RALGAPA2: variants seen among roughly 807,000 people sequenced by gnomAD.
The protein encoded by RALGAPA2 is ral GTPase-activating protein subunit alpha-2.
Under a neutral mutation model 230.4 loss-of-function variants are expected in RALGAPA2, and 139 were observed. The ratio of observed to expected loss-of-function variants is 0.60; its 90% CI spans 0.53 to 0.69. RALGAPA2 has a LOEUF of 0.69. Among genes scored for constraint, RALGAPA2 ranks in the 30% least tolerant of loss-of-function variants. The probability of loss-of-function intolerance (pLI) is 0.00; values close to 1 mark genes in which losing one functional copy is unlikely to be tolerated. For synonymous variants in RALGAPA2, 847 were observed against 837.8 expected, an observed-to-expected ratio of 1.01 and a Z score of -0.19; for missense variants, 2,163 against 2,276.0, an observed-to-expected ratio of 0.95 and a Z score of 1.01.
chr20:20,619,534 T>A, intron 11 of RALGAPA2, 120 bp from the exon 12 acceptor site: 1 of 808,086 alleles, frequency 1.2e-6, no homozygotes, highest in Non-Finnish European at 1.6e-6. Flanking sequence ...CATATTTAAT[T>A]CCTTAAACTC....
intron 37 of RALGAPA2, among the ~76,000 whole-genome samples, chr20:20,433,665 T>C (rs2060545049): frequency 6.6e-6 from 1 of 152,102 alleles, no homozygotes; most frequent in Non-Finnish European, 1.5e-5. Flanking sequence ...TCATTTAAAA[T>C]AAGCCCTTAC....
chr20:20,619,051 A>G (rs2066242366), intron 12 of RALGAPA2, among the ~76,000 whole-genome samples: 1 of 152,198 alleles, frequency 6.6e-6, no homozygotes, highest in Non-Finnish European at 1.5e-5. Context: ...ACCAGTTTTT[A>G]TGTCTTCTTT....
intron 32 of RALGAPA2, among the ~76,000 whole-genome samples, chr20:20,511,928 C>T (rs2062715395): frequency 1.3e-5 from 2 of 152,140 alleles, no homozygotes; most frequent in Admixed American, 6.5e-5. Flanking sequence ...CAGTTGCTCA[C>T]GCCTGTAATC....
rs762604461 is a variant in RALGAPA2 at position 20,503,408 on chromosome 20, C to T, written c.5151G>A (p.Val1717=). ...APYYATSTVE[V]IFHVSTRMPS... ...GCATTCGAGTGGAAACATGGAAAAT[C>T]ACTTCCACAGTTGAGGTAGCATAGT... Residue 1717 remains valine (V), a synonymous_variant, in exon 35 of 40, where the codon GTG becomes GTA. Coordinates refer to ENST00000202677, the MANE Select transcript of RALGAPA2 (RefSeq NM_020343.4). 1.3e-4 allele frequency: 205 copies of T among 1,605,862 alleles called. No homozygotes were observed. The highest frequency in any genetic ancestry group is 1.7e-4 in the Non-Finnish European group (205 of 1,175,110).
rs140426766 is a variant in RALGAPA2, at chr20:20,611,017, G to A, written c.1800+298C>T. Among the ~76,000 whole-genome samples, 24 of 152,104 alleles carry A rather than the reference G, an allele frequency of 1.6e-4. No individual in the cohort carries two copies. The East Asian group carries it at 4.4e-3, about 28-fold the overall frequency. ...AGTTTTATCCCATTCCCATACTTTC[G>A]TTCATCCTTTACCTCTCCAAATCTA... On this transcript the variant is annotated intron_variant, in intron 14 of 39. Transcript: ENST00000202677.
intron 37 of RALGAPA2, among the ~76,000 whole-genome samples, chr20:20,418,432 C>T (rs2060208970): frequency 6.6e-6 from 1 of 152,192 alleles, no homozygotes; most frequent in African/African-American, 2.4e-5. Flanking sequence ...AGCAATCTGA[C>T]CTTATCCAGG....
intron 34 of RALGAPA2, chr20:20,505,210 G>A: frequency 1.3e-5 from 13 of 975,108 alleles, no homozygotes; most frequent in Non-Finnish European, 1.6e-5. Flanking sequence ...TAAGAGGAAA[G>A]TTAAAGGAAA....
At chr20:20,707,421 A>G (rs976004537) in intron 1 of RALGAPA2, among the ~76,000 whole-genome samples, 4 of 152,150 alleles carry the variant, frequency 2.6e-5, no homozygotes, top group African/African-American at 9.6e-5. Flanking sequence ...GAAAGAAGGA[A>G]GGAGAGAAAA....
chr20:20,470,682 G>C (rs866352539), intron 37 of RALGAPA2, among the ~76,000 whole-genome samples: 1 of 152,106 alleles, frequency 6.6e-6, no homozygotes, highest in Non-Finnish European at 1.5e-5. Flanking sequence ...TGCCTTTAAA[G>C]GTCCTAAAAT....
At chr20:20,572,320 T>C (rs1003610920) in intron 21 of RALGAPA2, among the ~76,000 whole-genome samples, 3 of 152,000 alleles carry the variant, frequency 2.0e-5, no homozygotes, top group African/African-American at 7.2e-5. Context: ...AGAATAAAAA[T>C]TGTATGTACT....
At chr20:20,415,058 A>G (rs1298139765) in intron 37 of RALGAPA2, among the ~76,000 whole-genome samples, 2 of 152,238 alleles carry the variant, frequency 1.3e-5, no homozygotes, top group Non-Finnish European at 2.9e-5. Context: ...GCCAAAAATC[A>G]TTTCTTTTAG....
At chr20:20,679,411 T>C (rs117632772) in intron 2 of RALGAPA2, among the ~76,000 whole-genome samples, 2 of 152,186 alleles carry the variant, frequency 1.3e-5, no homozygotes, top group East Asian at 1.9e-4. Flanking sequence ...ATCCCTCAGA[T>C]GAATGACAGC....
chr20:20,436,506 C>T (rs1158673729), intron 37 of RALGAPA2, among the ~76,000 whole-genome samples: 4 of 152,154 alleles, frequency 2.6e-5, no homozygotes, highest in Non-Finnish European at 4.4e-5. Context: ...TGTATTTAAG[C>T]GTCACGGCAA....
intron 1 of RALGAPA2, among the ~76,000 whole-genome samples, chr20:20,699,446 G>T (rs2069252854): frequency 6.6e-6 from 1 of 152,174 alleles, no homozygotes; most frequent in Non-Finnish European, 1.5e-5. Flanking sequence ...ATACTATAGA[G>T]TCCATGGAAT....
In RALGAPA2 at chr20:20,637,427, C is replaced by T. The variant is rs1161967964; in HGVS notation, c.741G>A (p.Lys247=). Residue 247 remains lysine (K), a synonymous_variant, in exon 8 of 40, where the codon AAG becomes AAA. Coordinates refer to ENST00000202677, the MANE Select transcript of RALGAPA2 (RefSeq NM_020343.4). ...ATGGAAATAAATGAGGAAGATAATACTTTCGAAACAATGTAAAAAGAAATT... is the reference window on the plus strand; with the variant it reads ...ATGGAAATAAATGAGGAAGATAATATTTTCGAAACAATGTAAAAAGAAATT... The part of the protein sequence containing the change: ...GFKFLFTLFR[K]YYLPHLFPSF... 2 of 1,580,716 alleles carry T rather than the reference C, an allele frequency of 1.3e-6. No individual in the cohort carries two copies. Among genetic ancestry groups the T allele is most frequent in the Middle Eastern group, 1.7e-4 (1 of 5,882 alleles).
At chr20:20,405,612 CTAAAGTGGTG>C (rs2059928938) in intron 38 of RALGAPA2, among the ~76,000 whole-genome samples, 1 of 152,206 alleles carries the variant, frequency 6.6e-6, no homozygotes, top group African/African-American at 2.4e-5. Context: ...AGCACGAAGC[CTAAAGTGGTG>C]CTAAACAAGG....
At chr20:20,590,961 T>C (rs961478572) in intron 17 of RALGAPA2, among the ~76,000 whole-genome samples, 2 of 152,178 alleles carry the variant, frequency 1.3e-5, no homozygotes, top group South Asian at 4.1e-4. Flanking sequence ...AGTGGGTATA[T>C]ATCTACATAT....
intron 12 of RALGAPA2, among the ~76,000 whole-genome samples, chr20:20,616,943 T>A (rs1346783813): frequency 6.6e-6 from 1 of 152,208 alleles, no homozygotes; most frequent in Non-Finnish European, 1.5e-5. Flanking sequence ...CAGGGGTATC[T>A]CAGCAGAAAA....
At chr20:20,413,905 C>T (rs1458725765) in intron 37 of RALGAPA2, among the ~76,000 whole-genome samples, 7 of 152,216 alleles carry the variant, frequency 4.6e-5, no homozygotes, top group South Asian at 2.1e-4. Context: ...CAGCGAGAGG[C>T]GCCTGCTCAG....
Sources: allele counts gnomAD v4.1 joint callset (sites outside exome capture counted in the v4.1 genomes callset), GRCh38; gene constraint gnomAD v4.1.1; transcripts MANE v1.5; gene names NCBI Gene and HGNC (gene_info 2026-07-23, HGNC 2026-07-21).